DNAAF1: variants seen among roughly 807,000 people sequenced by gnomAD.
The protein encoded by DNAAF1 is dynein assembly factor 1, axonemal.
DNAAF1 carries 65 observed loss-of-function variants against 71.1 expected under a neutral mutation model. That is an observed-to-expected ratio of 0.91 (90% confidence interval 0.75 to 1.12). The LOEUF is 1.12. DNAAF1 is among the 50% of genes most tolerant of loss of function. The pLI is 0.00. For synonymous variants in DNAAF1, 414 were observed against 354.6 expected, an observed-to-expected ratio of 1.17 and a Z score of -1.88; for missense variants, 1,178 against 899.8, an observed-to-expected ratio of 1.31 and a Z score of -3.96.
intron 3 of DNAAF1, among the ~76,000 whole-genome samples, chr16:84,151,839 T>A (rs886319728): frequency 1.3e-4 from 20 of 152,136 alleles, no homozygotes; most frequent in African/African-American, 4.6e-4. Context: ...GGCCTTAATT[T>A]CTCACCACAT....
chr16:84,146,158 G>A (rs1318337261), intron 1 of DNAAF1, among the ~76,000 whole-genome samples: 1 of 152,130 alleles, frequency 6.6e-6, no homozygotes, highest in Admixed American at 6.5e-5. Flanking sequence ...GACAGTCTGG[G>A]TCTCCAGAGC....
Position 84,175,955 on chromosome 16 carries a change from AG to A in DNAAF1, c.1723del (p.Val575SerfsTer5). 6.2e-7 allele frequency: 1 copy of A among 1,614,158 alleles called. No individual in the cohort carries two copies. The highest frequency in any genetic ancestry group is 8.5e-7 in the Non-Finnish European group (1 of 1,180,028). On this transcript the variant is annotated frameshift_variant, in exon 11 of 12. Coordinates refer to ENST00000378553, the MANE Select transcript of DNAAF1 (RefSeq NM_178452.6). LOFTEE classifies it high-confidence loss of function. The stretch of plus-strand genomic sequence containing the variant: ...TAGAATATGTGCTTTCCGAAGATTG[AG>A]GTCATCTCGAGCTTGAGTGATGACA... ...EDQNMCFPKI[E>X]VISSLSDDSD... is the part of the protein sequence containing the mutation.
At chr16:84,149,614 C>G (rs1338643423) in intron 2 of DNAAF1, among the ~76,000 whole-genome samples, 2 of 149,896 alleles carry the variant, frequency 1.3e-5, no homozygotes, top group Non-Finnish European at 3.0e-5. Context: ...TCGCTTGAAC[C>G]CGGGAGGCGA....
At chr16:84,164,836 C>T (rs978657447) in intron 6 of DNAAF1, among the ~76,000 whole-genome samples, 27 of 152,074 alleles carry the variant, frequency 1.8e-4, no homozygotes, top group East Asian at 1.9e-4. Context: ...CGTAAGAATC[C>T]GCCACACCAT....
chr16:84,176,339 G>T, intron 11 of DNAAF1, 40 bp downstream of exon 11: 1 of 1,611,950 alleles, frequency 6.2e-7, no homozygotes, highest in South Asian at 1.1e-5. Context: ...AGACAATGTT[G>T]GCTCCCCGGC....
At chr16:84,174,247 A>G in intron 9 of DNAAF1, 1 of 1,072,492 alleles carries the variant, frequency 9.3e-7, no homozygotes, top group Non-Finnish European at 1.1e-6. Flanking sequence ...AACACCCACA[A>G]TACAAAACAA....
chr16:84,159,598 T>C (rs1167329291), intron 5 of DNAAF1, 77 bp from the exon 6 acceptor site: 3 of 1,533,468 alleles, frequency 2.0e-6, no homozygotes, highest in South Asian at 1.2e-5. Flanking sequence ...GTTCATTTAT[T>C]CTTAGTGCAC....
chr16:84,149,690 CAAAA>C (rs11335691), intron 2 of DNAAF1, among the ~76,000 whole-genome samples: 8 of 94,362 alleles, frequency 8.5e-5, no homozygotes, highest in Admixed American at 2.5e-4. Context: ...GACTCCATCT[CAAAA>C]AAAAAAAAAA....
chr16:84,157,221 T>C (rs2087480862), intron 5 of DNAAF1, among the ~76,000 whole-genome samples: 1 of 152,134 alleles, frequency 6.6e-6, no homozygotes, highest in South Asian at 2.1e-4. Context: ...TAATTTTTCA[T>C]GTTCAAATTT....
intron 6 of DNAAF1, among the ~76,000 whole-genome samples, chr16:84,163,428 A>T (rs969192993): frequency 6.7e-5 from 10 of 148,202 alleles, no homozygotes; most frequent in African/African-American, 2.5e-4. Context: ...TCGCCCAGGC[A>T]GGAGTGCAGT....
intron 5 of DNAAF1, chr16:84,158,886 A>C (rs530522390): frequency 3.8e-6 from 1 of 260,030 alleles, no homozygotes; most frequent in African/African-American, 2.3e-5. Flanking sequence ...GCTCACCATG[A>C]CGCCCAGCTA....
chr16:84,171,135 C>T (rs1310963868), intron 8 of DNAAF1, among the ~76,000 whole-genome samples: 2 of 151,946 alleles, frequency 1.3e-5, no homozygotes, highest in Admixed American at 1.3e-4. Context: ...GGATACAGCC[C>T]GGGGGAAAAG....
At chr16:84,159,654 G>T (rs1416038650) in intron 5 of DNAAF1, 21 bp from the exon 6 acceptor site, 3 of 1,600,028 alleles carry the variant, frequency 1.9e-6, no homozygotes, top group African/African-American at 1.3e-5. Flanking sequence ...AATCATTTTG[G>T]TTCTGCTTGT....
At chr16:84,166,312 C>A (rs1170114378) in intron 7 of DNAAF1, among the ~76,000 whole-genome samples, 8 of 151,708 alleles carry the variant, frequency 5.3e-5, no homozygotes, top group African/African-American at 1.7e-4. Context: ...CTTGGCTTCC[C>A]AAAGTGCTGG....
At chr16:84,173,125 T>G (rs2088454855) in intron 9 of DNAAF1, 1 of 985,876 alleles carries the variant, frequency 1.0e-6, no homozygotes. Context: ...TCTAAACTGG[T>G]GTTTCTAATG....
intron 2 of DNAAF1, 28 bp downstream of exon 2, chr16:84,149,170 A>G: frequency 6.2e-7 from 1 of 1,613,718 alleles, no homozygotes. Context: ...TAATTAGTGC[A>G]CATTTATGGA....
intron 3 of DNAAF1, among the ~76,000 whole-genome samples, chr16:84,153,781 G>T (rs1208463958): frequency 2.0e-5 from 3 of 152,094 alleles, no homozygotes; most frequent in Admixed American, 2.0e-4. Flanking sequence ...CTGAAAAAGA[G>T]AACAAAACAA....
chr16:84,176,475 C>A, intron 11 of DNAAF1, 176 bp downstream of exon 11: 1 of 1,003,612 alleles, frequency 1.0e-6, no homozygotes, highest in Non-Finnish European at 1.5e-6. Flanking sequence ...GGGTCTGAAG[C>A]TGCCACTTGC....
Position 84,145,377 on chromosome 16 carries a change from G to A in DNAAF1, c.-64G>A. ...ACTCTCTGGCTGGGCTGGGGCCGTA[G>A]CGACGTCCGCCGCGAACCTGGGCCC... On this transcript the variant is annotated 5_prime_UTR_variant, in exon 1 of 12. Coordinates refer to ENST00000378553, the MANE Select transcript of DNAAF1 (RefSeq NM_178452.6). 6.4e-7 allele frequency: 1 copy of A among 1,551,482 alleles called. No individual in the cohort carries two copies. Among genetic ancestry groups the A allele is most frequent in the Non-Finnish European group, 8.7e-7 (1 of 1,148,934 alleles).
Sources: allele counts gnomAD v4.1 joint callset (sites outside exome capture counted in the v4.1 genomes callset), GRCh38; gene constraint gnomAD v4.1.1; transcripts MANE v1.5; gene names NCBI Gene and HGNC (gene_info 2026-07-23, HGNC 2026-07-21).